Variants in NFE2L2 observed in about 807,000 individuals in gnomAD.
NFE2L2 encodes the protein NFE2 like bZIP transcription factor 2.
In NFE2L2, 20 loss-of-function variants were observed where a neutral mutation model predicts 49.6. The observed-to-expected ratio is 0.40, with a 90% confidence interval of 0.28 to 0.59. The LOEUF is 0.59. Among genes scored for constraint, NFE2L2 ranks in the 20% least tolerant of loss-of-function variants. The pLI, the probability that NFE2L2 is intolerant of heterozygous loss-of-function variation, is 0.40. For synonymous variants in NFE2L2, 244 were observed against 256.5 expected (o/e 0.95, Z 0.47); for missense variants, 578 against 714.2 (o/e 0.81, Z 2.17).
chr2:177,251,692 G>A (rs1044579486), intron 1 of NFE2L2, among the ~76,000 whole-genome samples: 7 of 152,234 alleles, frequency 4.6e-5, no homozygotes, highest in East Asian at 3.9e-4. Flanking sequence ...AAAAAAGGGC[G>A]TGAGTGTTTA....
At chr2:177,253,132 T>C (rs536651454) in intron 1 of NFE2L2, among the ~76,000 whole-genome samples, 17 of 152,226 alleles carry the variant, frequency 1.1e-4, no homozygotes, top group Non-Finnish European at 2.1e-4. Flanking sequence ...AGCTGAAGCC[T>C]GAACCAAACA....
chr2:177,231,352 C>T lies in NFE2L2; in HGVS notation c.1251G>A (p.Val417=). The change falls in exon 5 of 5, where the codon GTG becomes GTA. Residue 417 remains valine (V), a synonymous_variant. Coordinates refer to ENST00000397062, the MANE Select transcript of NFE2L2 (RefSeq NM_006164.5). ...LSPSQGQSTH[V]HDAQCENTPE... The stretch of plus-strand genomic sequence containing the variant: ...GTGTGTTCTCACATTGGGCATCATG[C>T]ACGTGAGTGCTCTGCCCCTGAGATG... 6.2e-7 allele frequency: 1 copy of T among 1,614,246 alleles called. No homozygotes were observed. Among genetic ancestry groups the T allele is most frequent in the Middle Eastern group, 1.6e-4 (1 of 6,062 alleles).
chr2:177,252,590 T>C (rs1690382157), intron 1 of NFE2L2, among the ~76,000 whole-genome samples: 1 of 152,206 alleles, frequency 6.6e-6, no homozygotes, highest in African/African-American at 2.4e-5. Context: ...AATCCATTCT[T>C]TAAGCAAAAT....
At chr2:177,232,629 G>A (rs763529474) in intron 3 of NFE2L2, 46 bp from the exon 4 acceptor site, 3 of 1,587,144 alleles carry the variant, frequency 1.9e-6, no homozygotes, top group African/African-American at 1.4e-5. Context: ...ACCAACAGGG[G>A]ATGAGTAAGC....
Position 177,262,342 on chromosome 2 carries a change from T to C in NFE2L2, c.45+2190A>G, listed in dbSNP as rs892481727. Reference sequence around the variant, plus strand: ...TCCAAGACACCCTTGAAAAGAGTAATGGATGGTTCCTTCCACCTAATGGAG... The same window carrying C: ...TCCAAGACACCCTTGAAAAGAGTAACGGATGGTTCCTTCCACCTAATGGAG... On this transcript the variant is annotated intron_variant, in intron 1 of 4. Coordinates refer to ENST00000397062, the MANE Select transcript of NFE2L2 (RefSeq NM_006164.5). 3.3e-5 allele frequency among the ~76,000 whole-genome samples: 5 copies of C among 152,240 alleles called. No individual in the cohort carries two copies. The South Asian group carries it at 8.3e-4, about 25-fold the overall frequency.
chr2:177,263,676 C>T lies in NFE2L2; in HGVS notation c.45+856G>A, dbSNP rs941615371. On this transcript the variant is annotated intron_variant, in intron 1 of 4. Coordinates refer to ENST00000397062, the MANE Select transcript of NFE2L2 (RefSeq NM_006164.5). The stretch of plus-strand genomic sequence containing the variant: ...GCCACCAGGGGGCACCGCGTCCGAA[C>T]TAGAAGCCCCGGGTGCCGCCGACTC... 28 of 985,532 alleles carry T rather than the reference C, an allele frequency of 2.8e-5. No individual in the cohort carries two copies. In the Middle Eastern group the frequency reaches 2.6e-3, roughly 92 times the overall value. 61.0% of individuals were successfully genotyped at this position (985,532 alleles called of 1,614,324 possible). A position where few individuals can be genotyped will look rare whatever the true frequency, so the allele number is the denominator to read the frequency against.
intron 1 of NFE2L2, among the ~76,000 whole-genome samples, chr2:177,236,706 ATAAC>A (rs1689763634): frequency 6.6e-6 from 1 of 152,248 alleles, no homozygotes; most frequent in African/African-American, 2.4e-5. Context: ...TTTGCTGCAA[ATAAC>A]CTATGCATAT....
At chr2:177,240,154 G>A (rs915838506) in intron 1 of NFE2L2, among the ~76,000 whole-genome samples, 2 of 152,162 alleles carry the variant, frequency 1.3e-5, no homozygotes, top group African/African-American at 4.8e-5. Context: ...TCGTCTGGGT[G>A]GAGCCCATAA....
intron 1 of NFE2L2, among the ~76,000 whole-genome samples, chr2:177,240,376 C>T (rs967520469): frequency 3.3e-5 from 5 of 152,286 alleles, no homozygotes; most frequent in African/African-American, 9.6e-5. Flanking sequence ...TTTCTTACAA[C>T]GGGTGAGAAA....
chr2:177,262,906 A>G (rs1304407063), intron 1 of NFE2L2, among the ~76,000 whole-genome samples: 1 of 152,238 alleles, frequency 6.6e-6, no homozygotes, highest in Non-Finnish European at 1.5e-5. Context: ...CCAGAAGAAT[A>G]CAATCCCAAT....
intron 1 of NFE2L2, among the ~76,000 whole-genome samples, chr2:177,249,219 T>TAAAA (rs1329536306): frequency 7.5e-6 from 1 of 132,736 alleles, no homozygotes; most frequent in Admixed American, 7.8e-5. Context: ...CCGGTCTCCA[T>TAAAA]AAATAAATAA....
chr2:177,231,162 A>G lies in NFE2L2; in HGVS notation c.1441T>C (p.Phe481Leu). 1 of 1,614,112 alleles carries G rather than the reference A, an allele frequency of 6.2e-7. No individual in the cohort carries two copies. The highest frequency in any genetic ancestry group is 8.5e-7 in the Non-Finnish European group (1 of 1,180,014). Residue 481 changes from phenylalanine (F) to leucine (L), a missense_variant, in exon 5 of 5, where the codon TTC (phenylalanine) becomes CTC (leucine). Physicochemically the swap from Phe to Leu is conservative, Grantham distance 22. Around this residue, in one of 3 missense-constraint regions of NFE2L2, gnomAD observed 117 missense variants for 175.8 expected, o/e 0.67. Transcript: ENST00000397062. The stretch of plus-strand genomic sequence containing the variant: ...TGCTCTTTGGACATCATTTCGTTGA[A>G]GTCAACAACAGGGAGGTTAATGATT... ...EKIINLPVVD[F>L]NEMMSKEQFN... is the part of the protein sequence containing the mutation.
chr2:177,236,043 TG>T (rs1465536169), intron 1 of NFE2L2, among the ~76,000 whole-genome samples: 4 of 152,328 alleles, frequency 2.6e-5, no homozygotes, highest in African/African-American at 9.6e-5. Flanking sequence ...AAAATCAAGA[TG>T]GGGGAACGGG....
At chr2:177,263,539 G>A (rs2105501040) in intron 1 of NFE2L2, 1 of 985,510 alleles carries the variant, frequency 1.0e-6, no homozygotes, top group Non-Finnish European at 1.2e-6. Context: ...CTGTCCCTTG[G>A]CCCTGGCGCG....
At chr2:177,241,460 G>C (rs1235339516) in intron 1 of NFE2L2, among the ~76,000 whole-genome samples, 1 of 152,132 alleles carries the variant, frequency 6.6e-6, no homozygotes, top group African/African-American at 2.4e-5. Context: ...AAGAAAACCA[G>C]GTGGAACATG....
At chr2:177,246,774 C>CTTTTTTTTTTT (rs56311819) in intron 1 of NFE2L2, among the ~76,000 whole-genome samples, 1 of 117,516 alleles carries the variant, frequency 8.5e-6, no homozygotes, top group Non-Finnish European at 1.7e-5. Context: ...TAATATTTTA[C>CTTTTTTTTTTT]TTTTTTTTTT....
chr2:177,233,925 T>G, intron 2 of NFE2L2, 80 bp downstream of exon 2: 1 of 1,551,012 alleles, frequency 6.4e-7, no homozygotes, highest in Non-Finnish European at 8.7e-7. Context: ...AAGCTGGAAC[T>G]CAAATCCAGA....
chr2:177,232,575 C>A lies in NFE2L2; in HGVS notation c.411G>T (p.Ser137=), dbSNP rs773415642. The A allele has an allele frequency of 1.2e-6, 2 of 1,613,448 alleles. No individual in the cohort carries two copies. The highest frequency in any genetic ancestry group is 1.7e-6 in the Non-Finnish European group (2 of 1,179,660). The stretch of plus-strand genomic sequence containing the variant: ...CAGGAACAAGTGACTGAAACGTAGC[C>A]GAAGAAACCTAAAATTGATAAGGCA... The part of the protein sequence containing the change: ...FPFVDDNEVS[S]ATFQSLVPDI... The change falls in exon 4 of 5, where the codon TCG becomes TCT. Residue 137 remains serine (S), a synonymous_variant. Transcript: ENST00000397062.
Position 177,233,509 on chromosome 2 carries a change from C to T in NFE2L2, c.313-170G>A, listed in dbSNP as rs1021003241. On this transcript the variant is annotated intron_variant, in intron 2 of 4. Coordinates refer to ENST00000397062, the MANE Select transcript of NFE2L2 (RefSeq NM_006164.5). ...CAATTTGAACTAGACCACATGGGTT[C>T]AGATCTTAGCTCCTCCAATTTTCTG... 6.7e-6 allele frequency: 4 copies of T among 595,692 alleles called. No individual in the cohort carries two copies. The African/African-American group carries it at 7.8e-5, about 12-fold the overall frequency. The allele number at this position is 595,692 out of a possible 1,614,324, so 36.9% of individuals were successfully genotyped here.
Sources: gnomAD v4.1 joint callset for allele counts (sites outside exome capture counted in the v4.1 genomes callset) on GRCh38, gnomAD v4.1.1 for gene constraint, gnomAD v4.1.1 regional missense constraint, MANE v1.5 for transcripts, NCBI Gene and HGNC (gene_info 2026-07-23, HGNC 2026-07-21) for gene names.